TTC39C: variants seen among roughly 807,000 people sequenced by gnomAD.
TTC39C encodes the protein tetratricopeptide repeat protein 39C.
A neutral mutation model predicts 76.3 loss-of-function variants in TTC39C; 33 were observed. That is an observed-to-expected ratio of 0.43 (90% CI 0.33 to 0.58). The LOEUF is 0.58. Among genes scored for constraint, TTC39C ranks in the 20% least tolerant of loss-of-function variants. The pLI, the probability that TTC39C is intolerant of heterozygous loss-of-function variation, is 0.04. For missense variants in TTC39C, 595 were observed against 701.4 expected (o/e 0.85, Z 1.71); for synonymous variants, 254 against 260.6 (o/e 0.97, Z 0.24).
At chr18:24,109,480 ATTC>A (rs1190055482) in intron 6 of TTC39C, among the ~76,000 whole-genome samples, 2 of 152,226 alleles carry the variant, frequency 1.3e-5, no homozygotes, top group Non-Finnish European at 2.9e-5. Flanking sequence ...AAAGTCTAAT[ATTC>A]TTTGTTACAC....
chr18:24,079,700 A>G (rs1416778610), intron 4 of TTC39C, among the ~76,000 whole-genome samples: 1 of 151,866 alleles, frequency 6.6e-6, no homozygotes, highest in East Asian at 1.9e-4. Flanking sequence ...TTGATAATAA[A>G]CTGGCTATTT....
At chr18:24,118,755 C>T (rs544963548) in intron 8 of TTC39C, among the ~76,000 whole-genome samples, 101 of 151,842 alleles carry the variant, frequency 6.7e-4, no homozygotes, top group African/African-American at 1.2e-3. Context: ...CAGGCTCAAG[C>T]GATCCTCCTG....
At chr18:24,075,694 A>C (rs376448716) in intron 4 of TTC39C, among the ~76,000 whole-genome samples, 1,464 of 141,620 alleles carry the variant, frequency 0.01, 18 homozygotes, top group Middle Eastern at 0.057. Context: ...CAAAAAAAAA[A>C]AAAAAAAAAC....
At chr18:24,032,535 G>T (rs959449399) in intron 1 of TTC39C, among the ~76,000 whole-genome samples, 1 of 152,202 alleles carries the variant, frequency 6.6e-6, no homozygotes, top group South Asian at 2.1e-4. Context: ...TCTAAACACA[G>T]AATTCATTTA....
intron 2 of TTC39C, among the ~76,000 whole-genome samples, chr18:24,065,798 G>A (rs888496771): frequency 6.6e-6 from 1 of 152,184 alleles, no homozygotes; most frequent in South Asian, 2.1e-4. Context: ...ATTTATTACC[G>A]TATTTCTTTC....
intron 1 of TTC39C, among the ~76,000 whole-genome samples, chr18:24,054,127 A>C (rs553285125): frequency 6.6e-6 from 1 of 152,210 alleles, no homozygotes; most frequent in Non-Finnish European, 1.5e-5. Context: ...TTGGGGAGTA[A>C]CCTCATATAA....
At chr18:24,091,584 A>G (rs1241355735) in intron 6 of TTC39C, among the ~76,000 whole-genome samples, 2 of 152,242 alleles carry the variant, frequency 1.3e-5, no homozygotes, top group Non-Finnish European at 2.9e-5. Context: ...TTTCCTAGAC[A>G]TGACACTAAA....
rs2085142519 is a variant in TTC39C at position 24,132,465 on chromosome 18, A to C, written c.1663-20A>C. ...AGCTTAGCTAACAGAGTGCATAAATATCTTTCTTTGATCTTACAGGAGGAT... is the reference window on the plus strand; with the variant it reads ...AGCTTAGCTAACAGAGTGCATAAATCTCTTTCTTTGATCTTACAGGAGGAT... On this transcript the variant is annotated intron_variant, in intron 13 of 13. Transcript: ENST00000317571. 6.2e-7 allele frequency: 1 copy of C among 1,611,648 alleles called. No homozygotes were observed. The highest frequency in any genetic ancestry group is 8.5e-7 in the Non-Finnish European group (1 of 1,178,134).
At chr18:24,043,262 T>G (rs1246760039) in intron 1 of TTC39C, among the ~76,000 whole-genome samples, 2 of 152,152 alleles carry the variant, frequency 1.3e-5, no homozygotes, top group Non-Finnish European at 2.9e-5. Context: ...TTTGGGAGGC[T>G]GAGGTGGGAG....
At chr18:24,126,148 C>T (rs151205423) in intron 10 of TTC39C, among the ~76,000 whole-genome samples, 207 of 152,120 alleles carry the variant, frequency 1.4e-3, no homozygotes, top group African/African-American at 4.9e-3. Context: ...GATCATGCCC[C>T]ACCACTACAG....
At chr18:24,071,718 T>G (rs1443353042) in intron 4 of TTC39C, among the ~76,000 whole-genome samples, 3 of 152,220 alleles carry the variant, frequency 2.0e-5, no homozygotes, top group African/African-American at 7.2e-5. Flanking sequence ...TGTGCATTTT[T>G]GGGGGGTATT....
intron 7 of TTC39C, 83 bp downstream of exon 7, chr18:24,114,730 T>A: frequency 1.9e-6 from 2 of 1,068,012 alleles, no homozygotes; most frequent in Non-Finnish European, 2.8e-6. Context: ...TCAGTGTGTG[T>A]CTACAAAATG....
At chr18:24,020,989 G>A (rs936416280) in intron 1 of TTC39C, among the ~76,000 whole-genome samples, 1 of 152,094 alleles carries the variant, frequency 6.6e-6, no homozygotes, top group African/African-American at 2.4e-5. Context: ...CCCAAACGTG[G>A]TATTTCAGGA....
chr18:24,005,930 T>C (rs1331372019), intron 1 of TTC39C, among the ~76,000 whole-genome samples: 1 of 152,118 alleles, frequency 6.6e-6, no homozygotes, highest in African/African-American at 2.4e-5. Flanking sequence ...CAATCACCAC[T>C]ATCTAATTTA....
At position 24,018,752 on chromosome 18, in the gene TTC39C, G is replaced by T. The variant is rs534270243; in HGVS notation, c.167+3714G>T. Among the ~76,000 whole-genome samples, 408 of 152,202 alleles carry T rather than the reference G, an allele frequency of 2.7e-3. 2 individuals carry two copies. The highest frequency in any genetic ancestry group is 9.6e-3 in the African/African-American group (397 of 41,508). ...ATGTGAGAGGTGGTGAGGTTTAAAC[G>T]GAAACCTAGGAGAGGAAACAGCGGA... On this transcript the variant is annotated intron_variant, in intron 1 of 13. Coordinates refer to ENST00000317571, the MANE Select transcript of TTC39C (RefSeq NM_001135993.2).
intron 2 of TTC39C, among the ~76,000 whole-genome samples, chr18:24,064,779 G>A (rs1031653099): frequency 6.6e-6 from 1 of 152,140 alleles, no homozygotes; most frequent in Non-Finnish European, 1.5e-5. Context: ...AAAAAGACAT[G>A]ATAGGGACTG....
intron 1 of TTC39C, among the ~76,000 whole-genome samples, chr18:24,043,228 G>GGTATGT (rs1407241454): frequency 6.6e-6 from 1 of 152,136 alleles, no homozygotes; most frequent in Non-Finnish European, 1.5e-5. Context: ...GGGTGTGGTG[G>GGTATGT]GTATGTGTCT....
intron 1 of TTC39C, among the ~76,000 whole-genome samples, chr18:24,039,263 G>T (rs2145688100): frequency 6.6e-6 from 1 of 152,330 alleles, no homozygotes; most frequent in East Asian, 1.9e-4. Flanking sequence ...GTCAGAGGAG[G>T]TGCCTTGAGA....
chr18:24,104,729 CAT>C (rs1491543073), intron 6 of TTC39C, among the ~76,000 whole-genome samples: 2 of 114,180 alleles, frequency 1.8e-5, no homozygotes, highest in Non-Finnish European at 3.6e-5. Flanking sequence ...TGTGACTGTG[CAT>C]GTGTGTGTGT....
Sources: gnomAD v4.1 joint callset for allele counts (sites outside exome capture counted in the v4.1 genomes callset) on GRCh38, gnomAD v4.1.1 for gene constraint, MANE v1.5 for transcripts, NCBI Gene and HGNC (gene_info 2026-07-23, HGNC 2026-07-21) for gene names.